The following ALG9 variants were observed in gnomAD, a reference collection of about 807,000 sequenced individuals.
ALG9 encodes the protein alpha-1,2-mannosyltransferase ALG9.
ALG9 carries 55 observed loss-of-function variants against 81.8 expected under a neutral mutation model. That is an observed-to-expected ratio of 0.67 (90% CI 0.54 to 0.84). The LOEUF is 0.84. Ranked by LOEUF, ALG9 falls within the 40% of genes least tolerant of loss-of-function variation. ALG9 has a pLI of 0.00. For synonymous variants in ALG9, 278 were observed against 274.3 expected (o/e 1.01, Z -0.13); for missense variants, 629 against 745.0 (o/e 0.84, Z 1.81).
downstream of ALG9, among the ~76,000 whole-genome samples, chr11:111,778,722 A>T (rs1234112220): frequency 5.3e-5 from 8 of 151,510 alleles, no homozygotes; most frequent in South Asian, 4.2e-4. Context: ...TGGAGAGTTT[A>T]AAAAAAAACA....
At chr11:111,791,998 G>C (rs967627865) in intron 14 of ALG9, among the ~76,000 whole-genome samples, 3 of 152,210 alleles carry the variant, frequency 2.0e-5, no homozygotes, top group Non-Finnish European at 4.4e-5. Context: ...CAGGAGAATC[G>C]GTTGAACCCG....
At chr11:111,818,461 A>G (rs1200859263) in intron 13 of ALG9, among the ~76,000 whole-genome samples, 1 of 152,226 alleles carries the variant, frequency 6.6e-6, no homozygotes, top group African/African-American at 2.4e-5. Flanking sequence ...AACTGAAAGA[A>G]GACCAATATG....
chr11:111,825,218 A>G (rs1953030652), intron 13 of ALG9, among the ~76,000 whole-genome samples: 1 of 152,238 alleles, frequency 6.6e-6, no homozygotes. Context: ...AAAAGACTAA[A>G]TGAAGGGCTA....
intron 1 of ALG9, 54 bp downstream of exon 1, chr11:111,871,298 C>A (rs1964217000): frequency 1.5e-6 from 2 of 1,370,316 alleles, no homozygotes; most frequent in Non-Finnish European, 9.3e-7. Context: ...CTCCCGGGGG[C>A]AGCCCCGAAC....
At chr11:111,770,583 CA>C in the ALG9 span, among the ~76,000 whole-genome samples, 1 of 151,998 alleles carries the variant, frequency 6.6e-6, no homozygotes, top group South Asian at 2.1e-4. Context: ...CCTGTAGGCC[CA>C]GCTGCTTAGG....
chr11:111,857,535 G>A lies in ALG9; in HGVS notation c.701+67C>T, dbSNP rs544843865. The A allele has an allele frequency of 1.4e-5, 22 of 1,601,616 alleles. No individual in the cohort carries two copies. The African/African-American group carries it at 2.7e-4, about 19-fold the overall frequency. ...TCAGATTCTATGCAGACAATATGGAGCTAATCCAACATTAAGATTTACTAT... is the reference window on the plus strand; with the variant it reads ...TCAGATTCTATGCAGACAATATGGAACTAATCCAACATTAAGATTTACTAT... On this transcript the variant is annotated intron_variant, in intron 6 of 14. Coordinates refer to ENST00000616540, the MANE Select transcript of ALG9 (RefSeq NM_024740.2).
chr11:111,816,991 T>C (rs1311250323), intron 13 of ALG9, among the ~76,000 whole-genome samples: 1 of 152,152 alleles, frequency 6.6e-6, no homozygotes, highest in African/African-American at 2.4e-5. Flanking sequence ...TGAAAAGACT[T>C]CCTAAAGTTG....
chr11:111,792,089 A>G (rs1435940997), intron 14 of ALG9, among the ~76,000 whole-genome samples: 2 of 151,820 alleles, frequency 1.3e-5, no homozygotes, highest in Admixed American at 6.6e-5. Flanking sequence ...TCTCAGGAAG[A>G]AAAAAAAACC....
chr11:111,804,573 A>G (rs1949649215), intron 14 of ALG9, among the ~76,000 whole-genome samples: 1 of 152,190 alleles, frequency 6.6e-6, no homozygotes, highest in East Asian at 1.9e-4. Flanking sequence ...CTTGGGTGAC[A>G]GAGCGAGACC....
chr11:111,788,545 C>G (rs1375537689), intron 14 of ALG9: 31 of 429,056 alleles, frequency 7.2e-5, no homozygotes, highest in Non-Finnish European at 1.1e-4. Flanking sequence ...GGAGTTTGAG[C>G]CCAGCCTGGG....
intron 14 of ALG9, among the ~76,000 whole-genome samples, 183 bp downstream of exon 14, chr11:111,809,460 T>G (rs1015033037): frequency 2.6e-5 from 4 of 151,252 alleles, no homozygotes; most frequent in Admixed American, 2.6e-4. Context: ...AACCCAGGAG[T>G]CAGAGGTTGT....
chr11:111,838,344 A>C lies in ALG9; in HGVS notation c.1229T>G (p.Leu410Arg). 6.2e-7 allele frequency: 1 copy of C among 1,613,770 alleles called. No individual in the cohort carries two copies. The highest frequency in any genetic ancestry group is 8.5e-7 in the Non-Finnish European group (1 of 1,179,714). ...ATTCGATGTCACAGTATAGTGCTCC[A>C]GGCGATATCGTTGAAACACAAAGTG... is the stretch of plus-strand genomic sequence containing the variant. Reference protein sequence around the residue: ...CYHFVFQRYRLEHYTVTSNWL... With the variant: ...CYHFVFQRYRREHYTVTSNWL... The change falls in exon 11 of 15, where the codon CTG (leucine) becomes CGG (arginine). Residue 410 changes from leucine (L) to arginine (R), a missense_variant. Leu to Arg is a moderately radical substitution (Grantham distance 102, BLOSUM62 -2). Around this residue, in one of 3 missense-constraint regions of ALG9, gnomAD observed 264 missense variants for 302.2 expected, o/e 0.87. Transcript: ENST00000616540.
chr11:111,844,079 A>G (rs1382269832), intron 9 of ALG9, among the ~76,000 whole-genome samples: 2 of 152,160 alleles, frequency 1.3e-5, no homozygotes, highest in African/African-American at 2.4e-5. Flanking sequence ...GTCTTGGCTC[A>G]CTACAACCTC....
intron 14 of ALG9, 30 bp from the exon 15 acceptor site, chr11:111,786,550 T>G (rs952270587): frequency 6.2e-7 from 1 of 1,612,460 alleles, no homozygotes; most frequent in East Asian, 2.2e-5. Context: ...AAAAAGAATT[T>G]TATCACTTGG....
chr11:111,856,289 A>G (rs910874727), intron 6 of ALG9, among the ~76,000 whole-genome samples: 6 of 150,638 alleles, frequency 4.0e-5, no homozygotes, highest in Admixed American at 2.0e-4. Context: ...AAAAAAAAAA[A>G]AAAAAAAGAA....
intron 14 of ALG9, among the ~76,000 whole-genome samples, chr11:111,800,104 A>C (rs536570403): frequency 1.3e-5 from 2 of 152,276 alleles, no homozygotes; most frequent in East Asian, 3.9e-4. Flanking sequence ...AGTTGTTTTC[A>C]TATGTGTAGG....
At chr11:111,787,153 G>A (rs1040487254) in intron 14 of ALG9, among the ~76,000 whole-genome samples, 15 of 152,250 alleles carry the variant, frequency 9.9e-5, no homozygotes, top group African/African-American at 2.2e-4. Context: ...ATTATCGGCC[G>A]GGTGCACTGG....
the ALG9 span, among the ~76,000 whole-genome samples, chr11:111,776,550 C>T: frequency 4.6e-5 from 7 of 152,100 alleles, no homozygotes; most frequent in South Asian, 6.2e-4. Flanking sequence ...ATCATGCTAC[C>T]GCACTCCAAC....
In ALG9 at chr11:111,813,848, T is replaced by C. The variant is rs1487104521; in HGVS notation, c.1603-4075A>G. Reference sequence around the variant, plus strand: ...AGAATGTGGAACAACAATTATATATTACTAACAGGAAATTAAGTTGGTAAG... The same window carrying C: ...AGAATGTGGAACAACAATTATATATCACTAACAGGAAATTAAGTTGGTAAG... On this transcript the variant is annotated intron_variant, in intron 13 of 14. Transcript: ENST00000616540. Among the ~76,000 whole-genome samples, 3 of 152,212 alleles carry C rather than the reference T, an allele frequency of 2.0e-5. No individual in the cohort carries two copies. In the East Asian group the frequency reaches 5.8e-4, roughly 29 times the overall value.
Sources: allele counts gnomAD v4.1 joint callset (sites outside exome capture counted in the v4.1 genomes callset), GRCh38; gene constraint gnomAD v4.1.1; regional missense constraint gnomAD v4.1.1; transcripts MANE v1.5; gene names NCBI Gene and HGNC (gene_info 2026-07-23, HGNC 2026-07-21).